ADGRB3: variants seen among roughly 807,000 people sequenced by gnomAD.
ADGRB3 encodes brain-specific angiogenesis inhibitor 3.
In ADGRB3, 37 loss-of-function variants were observed where a neutral mutation model predicts 193.4. The observed-to-expected ratio is 0.19, with a 90% CI of 0.15 to 0.25. The LOEUF is 0.25. ADGRB3 is among the 10% of genes least tolerant of loss of function. The pLI, the probability that ADGRB3 is intolerant of heterozygous loss-of-function variation, is 1.00. For missense variants in ADGRB3, 1,637 were observed against 1,852.9 expected (o/e 0.88, Z 2.14); for synonymous variants, 690 against 644.2 (o/e 1.07, Z -1.08).
intron 3 of ADGRB3, among the ~76,000 whole-genome samples, chr6:68,760,264 C>T (rs1356687683): frequency 6.6e-6 from 1 of 152,162 alleles, no homozygotes; most frequent in East Asian, 1.9e-4. Flanking sequence ...CATACACATA[C>T]ACACATACAC....
At chr6:69,074,121 G>A (rs1772158370) in intron 16 of ADGRB3, among the ~76,000 whole-genome samples, 1 of 148,572 alleles carries the variant, frequency 6.7e-6, no homozygotes, top group Admixed American at 6.9e-5. Context: ...AGGAAGAATG[G>A]GAAACAAAAA....
In ADGRB3 at chr6:68,956,631, A is replaced by G; in HGVS notation, c.1361-14A>G. 1.2e-6 allele frequency: 2 copies of G among 1,613,738 alleles called. No individual in the cohort carries two copies. Among genetic ancestry groups the G allele is most frequent in the Non-Finnish European group, 1.7e-6 (2 of 1,179,764 alleles). ...GGTAGATGACTGACATTGACCATGA[A>G]ACATTTCTTTCAGCCAATGGTCAAT... On this transcript the variant is annotated splice_polypyrimidine_tract_variant and intron_variant, in intron 7 of 31. Transcript: ENST00000370598.
chr6:69,297,340 A>ACCTC (rs1554192049), intron 20 of ADGRB3, among the ~76,000 whole-genome samples: 3 of 111,940 alleles, frequency 2.7e-5, no homozygotes, highest in Middle Eastern at 6.1e-3. Flanking sequence ...TTCTACTGAT[A>ACCTC]TCTCTCTCTC....
chr6:68,693,504 T>A (rs1289282037), intron 3 of ADGRB3, among the ~76,000 whole-genome samples: 1 of 151,988 alleles, frequency 6.6e-6, no homozygotes, highest in Non-Finnish European at 1.5e-5. Flanking sequence ...AAACTCAAGT[T>A]GAAAGCAAAG....
intron 3 of ADGRB3, among the ~76,000 whole-genome samples, chr6:68,890,612 T>C (rs138850149): frequency 6.6e-6 from 1 of 152,360 alleles, no homozygotes; most frequent in East Asian, 1.9e-4. Flanking sequence ...TTGTGTACAC[T>C]ATTCTTGATC....
chr6:69,074,850 A>G (rs1460492203), intron 16 of ADGRB3, among the ~76,000 whole-genome samples: 1 of 152,038 alleles, frequency 6.6e-6, no homozygotes, highest in East Asian at 1.9e-4. Context: ...CGGCCTCAGG[A>G]CTGTATCTTT....
At chr6:68,787,214 G>T (rs576393273) in intron 3 of ADGRB3, among the ~76,000 whole-genome samples, 3 of 152,092 alleles carry the variant, frequency 2.0e-5, no homozygotes, top group African/African-American at 7.2e-5. Flanking sequence ...GTGAGAGAGG[G>T]CATCCCTGTC....
rs75095559 is a variant in ADGRB3, at chr6:69,129,109, C to T, written c.2480+53071C>T. ...AGTAGCCATGTTTTAACCCTCTACACTCACCTTCACAGCTTAATGAGGTGG... is the reference window on the plus strand; with the variant it reads ...AGTAGCCATGTTTTAACCCTCTACATTCACCTTCACAGCTTAATGAGGTGG... On this transcript the variant is annotated intron_variant, in intron 17 of 31. Coordinates refer to ENST00000370598, the MANE Select transcript of ADGRB3 (RefSeq NM_001704.3). 1.4e-4 allele frequency among the ~76,000 whole-genome samples: 21 copies of T among 152,282 alleles called. No individual in the cohort carries two copies. In the East Asian group the frequency reaches 3.9e-3, roughly 28 times the overall value.
At chr6:68,979,646 C>T (rs1436498728) in intron 10 of ADGRB3, among the ~76,000 whole-genome samples, 1 of 151,078 alleles carries the variant, frequency 6.6e-6, no homozygotes, top group Non-Finnish European at 1.5e-5. Flanking sequence ...GAATTGTATA[C>T]CAGAAAAAGT....
chr6:69,357,831 A>G (rs1407953781), intron 28 of ADGRB3, among the ~76,000 whole-genome samples: 1 of 151,892 alleles, frequency 6.6e-6, no homozygotes, highest in Non-Finnish European at 1.5e-5. Flanking sequence ...GTCAGGATGC[A>G]GTCTCACTAG....
intron 5 of ADGRB3, among the ~76,000 whole-genome samples, chr6:68,941,477 G>T (rs539916027): frequency 6.6e-6 from 1 of 152,092 alleles, no homozygotes; most frequent in Admixed American, 6.5e-5. Flanking sequence ...AGCCATCAAG[G>T]TTAATCAACA....
intron 17 of ADGRB3, among the ~76,000 whole-genome samples, chr6:69,091,961 C>CCTCCAAAG (rs1772723237): frequency 6.6e-6 from 1 of 152,038 alleles, no homozygotes; most frequent in African/African-American, 2.4e-5. Flanking sequence ...TGTTTAAGTT[C>CCTCCAAAG]CTCCAAAGCC....
At chr6:69,055,696 C>T (rs1319967697) in intron 15 of ADGRB3, among the ~76,000 whole-genome samples, 1 of 152,086 alleles carries the variant, frequency 6.6e-6, no homozygotes, top group Non-Finnish European at 1.5e-5. Flanking sequence ...TCAGAAACTG[C>T]CTACCGTATT....
chr6:69,019,502 C>T (rs1292523650), intron 13 of ADGRB3, among the ~76,000 whole-genome samples: 1 of 151,788 alleles, frequency 6.6e-6, no homozygotes, highest in African/African-American at 2.4e-5. Flanking sequence ...TCTGAAGGTC[C>T]CTAAGTCCTG....
chr6:69,084,973 T>C (rs1378526980), intron 17 of ADGRB3, among the ~76,000 whole-genome samples: 2 of 152,176 alleles, frequency 1.3e-5, no homozygotes, highest in African/African-American at 4.8e-5. Context: ...GAAGGATAGT[T>C]ATTCCTATTC....
At chr6:68,669,787 G>C (rs531265348) in intron 3 of ADGRB3, among the ~76,000 whole-genome samples, 36 of 151,644 alleles carry the variant, frequency 2.4e-4, no homozygotes, top group Admixed American at 1.8e-3. Context: ...CTTTCTTTTG[G>C]GTATATACCC....
chr6:69,383,030 T>A, intron 31 of ADGRB3, 95 bp downstream of exon 31: 1 of 729,812 alleles, frequency 1.4e-6, no homozygotes, highest in Non-Finnish European at 2.1e-6. Flanking sequence ...GAACATAAGA[T>A]GAGTCTACAT....
In ADGRB3 at chr6:69,088,184, G is replaced by A. The variant is rs549995389; in HGVS notation, c.2480+12146G>A. ...AATAAATATTTACTGAATTGAAATG[G>A]AATGAAGTTTTTAATTTTATGATAA... On this transcript the variant is annotated intron_variant, in intron 17 of 31. Coordinates refer to ENST00000370598, the MANE Select transcript of ADGRB3 (RefSeq NM_001704.3). Among the ~76,000 whole-genome samples, 4 of 152,074 alleles carry A rather than the reference G, an allele frequency of 2.6e-5. No individual in the cohort carries two copies. The South Asian group carries it at 8.3e-4, about 32-fold the overall frequency.
chr6:68,829,136 G>C (rs1767907115), intron 3 of ADGRB3, among the ~76,000 whole-genome samples: 1 of 108,312 alleles, frequency 9.2e-6, no homozygotes, highest in African/African-American at 3.7e-5. Context: ...GTCTTGCTCT[G>C]TTGCCCAGGC....
Sources: allele counts gnomAD v4.1 joint callset (sites outside exome capture counted in the v4.1 genomes callset), GRCh38; gene constraint gnomAD v4.1.1; transcripts MANE v1.5; gene names NCBI Gene and HGNC (gene_info 2026-07-23, HGNC 2026-07-21).